The following ACVR1B variants were observed in gnomAD, a reference collection of about 807,000 sequenced individuals.
ACVR1B encodes activin A receptor type 1B.
ACVR1B carries 15 observed loss-of-function variants against 55.6 expected under a neutral mutation model. The observed-to-expected ratio is 0.27, with a 90% confidence interval of 0.18 to 0.42. The LOEUF (loss-of-function observed/expected upper bound fraction) is 0.42. ACVR1B is among the 10% of genes least tolerant of loss of function. The pLI, the probability that ACVR1B is intolerant of heterozygous loss-of-function variation, is 1.00. For missense variants in ACVR1B, 359 were observed against 670.1 expected, an observed-to-expected ratio of 0.54 and a Z score of 5.13; for synonymous variants, 247 against 254.6, an observed-to-expected ratio of 0.97 and a Z score of 0.28.
At chr12:51,988,250 C>T (rs1276941250) in intron 7 of ACVR1B, among the ~76,000 whole-genome samples, 1 of 152,170 alleles carries the variant, frequency 6.6e-6, no homozygotes, top group Non-Finnish European at 1.5e-5. Flanking sequence ...GCAGGCGGAT[C>T]ACGAGGTCAA....
intron 8 of ACVR1B, among the ~76,000 whole-genome samples, chr12:51,992,778 ATG>A (rs1297078651): frequency 6.6e-6 from 1 of 152,176 alleles, no homozygotes; most frequent in Non-Finnish European, 1.5e-5. Flanking sequence ...GGGATGGAGA[ATG>A]TGAATTTGGG....
intron 8 of ACVR1B, chr12:51,992,388 G>A (rs1477676099): frequency 1.6e-5 from 4 of 252,668 alleles, no homozygotes; most frequent in Non-Finnish European, 3.0e-5. Context: ...GTAGTCCCAG[G>A]TACTTGGGAG....
intron 1 of ACVR1B, among the ~76,000 whole-genome samples, chr12:51,954,657 T>G (rs1941375091): frequency 6.6e-6 from 1 of 152,228 alleles, no homozygotes; most frequent in African/African-American, 2.4e-5. Flanking sequence ...GGAGGCTGGT[T>G]TTCAGCCCTA....
intron 1 of ACVR1B, among the ~76,000 whole-genome samples, chr12:51,957,150 A>G (rs1941427276): frequency 6.6e-6 from 1 of 152,150 alleles, no homozygotes; most frequent in African/African-American, 2.4e-5. Flanking sequence ...GCTGTATAGT[A>G]CGAGAGTGTA....
chr12:51,986,705 A>C lies in ACVR1B; in HGVS notation c.1137-113A>C. 2.8e-6 allele frequency: 4 copies of C among 1,413,666 alleles called. No homozygotes were observed. In the East Asian group the frequency reaches 6.9e-5, roughly 24 times the overall value. The allele number at this position is 1,413,666 out of a possible 1,614,324, so 87.6% of individuals were successfully genotyped here. On this transcript the variant is annotated intron_variant, in intron 6 of 8. Coordinates refer to ENST00000257963, the MANE Select transcript of ACVR1B (RefSeq NM_004302.5). ...GTGTACACTTCTTCTGCCCCAAGGGACTTTATCAGGGTGATACTCTTCCAC... is the reference window on the plus strand; with the variant it reads ...GTGTACACTTCTTCTGCCCCAAGGGCCTTTATCAGGGTGATACTCTTCCAC...
intron 1 of ACVR1B, among the ~76,000 whole-genome samples, chr12:51,963,183 C>T (rs1352450006): frequency 6.6e-6 from 1 of 151,878 alleles, no homozygotes; most frequent in Non-Finnish European, 1.5e-5. Context: ...GTTTAAGTAC[C>T]TTCATAATGT....
chr12:51,984,199 T>C (rs905321958), intron 5 of ACVR1B, 33 bp downstream of exon 5: 18 of 1,612,612 alleles, frequency 1.1e-5, no homozygotes, highest in Non-Finnish European at 1.5e-5. Context: ...GGCGAAGTGG[T>C]GTAGGCATGA....
chr12:51,984,266 G>A (rs1400810662), intron 5 of ACVR1B, 100 bp downstream of exon 5: 1 of 1,383,750 alleles, frequency 7.2e-7, no homozygotes, highest in Non-Finnish European at 9.8e-7. Flanking sequence ...AGGAAGTTGG[G>A]GCTGGACCTC....
At chr12:51,989,124 C>T (rs142970183) in intron 7 of ACVR1B, among the ~76,000 whole-genome samples, 5 of 151,982 alleles carry the variant, frequency 3.3e-5, no homozygotes, top group African/African-American at 7.2e-5. Flanking sequence ...GGTGTAGTGG[C>T]GGGCGCCTGT....
Position 51,976,807 on chromosome 12 carries a change from A to G in ACVR1B, c.580+232A>G, listed in dbSNP as rs1010098191. Among the ~76,000 whole-genome samples the G allele has an allele frequency of 1.3e-5, 2 of 152,222 alleles. 1 individual carries two copies. Among genetic ancestry groups the G allele is most frequent in the Non-Finnish European group, 2.9e-5 (2 of 68,036 alleles). ...CCCAAGGTCTAGTACACAATTATCCACTACAGAAGTCCTGCCTCTCTAAGC... is the reference window on the plus strand; with the variant it reads ...CCCAAGGTCTAGTACACAATTATCCGCTACAGAAGTCCTGCCTCTCTAAGC... On this transcript the variant is annotated intron_variant, in intron 3 of 8. Coordinates refer to ENST00000257963, the MANE Select transcript of ACVR1B (RefSeq NM_004302.5).
intron 4 of ACVR1B, among the ~76,000 whole-genome samples, chr12:51,982,004 C>G (rs1206132232): frequency 1.3e-5 from 2 of 152,200 alleles, no homozygotes; most frequent in African/African-American, 4.8e-5. Context: ...TTCCTTCTTC[C>G]TCTCCCTTTT....
intron 3 of ACVR1B, among the ~76,000 whole-genome samples, chr12:51,980,146 C>T (rs537952391): frequency 6.6e-5 from 10 of 152,206 alleles, no homozygotes; most frequent in Non-Finnish European, 1.5e-4. Context: ...GATAACAGCG[C>T]CTTACCTTCC....
chr12:51,986,701 A>G (rs1942082828), intron 6 of ACVR1B, 117 bp from the exon 7 acceptor site: 12 of 1,394,706 alleles, frequency 8.6e-6, no homozygotes, highest in Non-Finnish European at 1.2e-5. Context: ...TTCTGCCCCA[A>G]GGGACTTTAT....
intron 8 of ACVR1B, chr12:51,992,229 G>T: frequency 3.5e-6 from 2 of 572,212 alleles, no homozygotes; most frequent in Non-Finnish European, 6.1e-6. Flanking sequence ...TTTGGGCCTG[G>T]TGTGGTGGCA....
intron 1 of ACVR1B, among the ~76,000 whole-genome samples, chr12:51,955,803 C>T (rs1286504666): frequency 1.3e-5 from 2 of 152,190 alleles, no homozygotes; most frequent in African/African-American, 4.8e-5. Context: ...TGATGCTGGA[C>T]ATAACTGCAG....
At chr12:51,979,232 G>A (rs1290499664) in intron 3 of ACVR1B, among the ~76,000 whole-genome samples, 5 of 147,516 alleles carry the variant, frequency 3.4e-5, no homozygotes, top group South Asian at 2.1e-4. Flanking sequence ...TTGGGAGGCC[G>A]AGGCGGGTAG....
chr12:51,951,833 G>C lies in ACVR1B; in HGVS notation c.90G>C (p.Gln30His). The C allele has an allele frequency of 3.1e-6, 4 of 1,273,296 alleles. No individual in the cohort carries two copies. The highest frequency in any genetic ancestry group is 4.0e-6 in the Non-Finnish European group (4 of 1,000,892). 78.9% of individuals were successfully genotyped at this position (1,273,296 alleles called of 1,614,324 possible). A position where few individuals can be genotyped will look rare whatever the true frequency, so the allele number is the denominator to read the frequency against. The change falls in exon 1 of 9, where the codon CAG (glutamine) becomes CAC (histidine). Residue 30 changes from glutamine to histidine, a missense_variant and splice_region_variant. Gln to His is a conservative substitution (Grantham distance 24, BLOSUM62 0). This residue lies in a region of ACVR1B where 48 missense variants were observed against 40.6 expected (regional missense o/e 1.18). Transcript: ENST00000257963. ...GSGGSGPRGV[Q>H]ALLCACTSCL... The stretch of plus-strand genomic sequence containing the variant: ...GCGGGTCCGGGCCCCGGGGGGTCCA[G>C]GGTGAGTCCTGGGACGGGGGGCGGG...
chr12:51,959,316 C>T (rs1182673230), intron 1 of ACVR1B, among the ~76,000 whole-genome samples: 1 of 152,150 alleles, frequency 6.6e-6, no homozygotes, highest in African/African-American at 2.4e-5. Context: ...TCAGATGTTC[C>T]AGCTGGCTTG....
chr12:51,991,363 GA>G (rs147119006), intron 7 of ACVR1B, among the ~76,000 whole-genome samples: 3 of 151,814 alleles, frequency 2.0e-5, no homozygotes, highest in Non-Finnish European at 2.9e-5. Flanking sequence ...CTTTGGCTAT[GA>G]AAAAAAATGT....
Sources: allele counts gnomAD v4.1 joint callset (sites outside exome capture counted in the v4.1 genomes callset), GRCh38; gene constraint gnomAD v4.1.1; regional missense constraint gnomAD v4.1.1; transcripts MANE v1.5; gene names NCBI Gene and HGNC (gene_info 2026-07-23, HGNC 2026-07-21).